BMAL1: variants seen among roughly 807,000 people sequenced by gnomAD.
BMAL1 encodes the protein basic helix-loop-helix ARNT like 1.
the BMAL1 span, among the ~76,000 whole-genome samples, chr11:13,290,362 T>G: frequency 2.0e-5 from 3 of 152,176 alleles, no homozygotes; most frequent in Admixed American, 2.0e-4. Context: ...AAAACAAGTG[T>G]CAGAATCTAG....
the BMAL1 span, among the ~76,000 whole-genome samples, chr11:13,334,383 A>T: frequency 2.6e-5 from 4 of 152,352 alleles, no homozygotes; most frequent in South Asian, 8.3e-4. Flanking sequence ...TGAAACCTTC[A>T]GAGTTTGTTT....
At chr11:13,284,324 G>T in the BMAL1 span, among the ~76,000 whole-genome samples, 1 of 142,126 alleles carries the variant, frequency 7.0e-6, no homozygotes, top group East Asian at 2.1e-4. Context: ...GGGACACATT[G>T]TTTTATGTCA....
At chr11:13,341,770 A>C in the BMAL1 span, among the ~76,000 whole-genome samples, 1 of 152,274 alleles carries the variant, frequency 6.6e-6, no homozygotes, top group African/African-American at 2.4e-5. Flanking sequence ...AAAGACAGGC[A>C]AGAAAACAAT....
the BMAL1 span, among the ~76,000 whole-genome samples, chr11:13,359,006 G>T: frequency 2.6e-5 from 4 of 152,208 alleles, no homozygotes; most frequent in South Asian, 6.2e-4. Flanking sequence ...AATTCATCAT[G>T]GTTCCTTTGA....
the BMAL1 span, chr11:13,386,796 T>C: frequency 6.3e-7 from 1 of 1,598,686 alleles, no homozygotes; most frequent in Non-Finnish European, 8.6e-7. Context: ...AGTATCAAAG[T>C]GCATTACTGG....
chr11:13,326,668 C>T, the BMAL1 span, among the ~76,000 whole-genome samples: 8 of 151,780 alleles, frequency 5.3e-5, no homozygotes, highest in Admixed American at 5.2e-4. Flanking sequence ...TAACCTTTTT[C>T]ACATTTAGAA....
the BMAL1 span, among the ~76,000 whole-genome samples, chr11:13,377,858 G>GCT: frequency 6.6e-6 from 1 of 152,230 alleles, no homozygotes; most frequent in East Asian, 1.9e-4. Context: ...TCTCTGCCAA[G>GCT]CTAATTCATA....
At chr11:13,335,812 C>A in the BMAL1 span, among the ~76,000 whole-genome samples, 9 of 152,182 alleles carry the variant, frequency 5.9e-5, no homozygotes, top group Non-Finnish European at 1.2e-4. Context: ...CCAATACTTA[C>A]ATATTGATTT....
chr11:13,303,719 G>C, the BMAL1 span, among the ~76,000 whole-genome samples: 1 of 152,152 alleles, frequency 6.6e-6, no homozygotes, highest in Non-Finnish European at 1.5e-5. Context: ...GAAGAAGAGA[G>C]GGTAGTTTGT....
chr11:13,297,922 T>TACTTTCTTTAC, the BMAL1 span, among the ~76,000 whole-genome samples: 1 of 152,196 alleles, frequency 6.6e-6, no homozygotes. Context: ...TTCATCCCGC[T>TACTTTCTTTAC]ACTGTGCATT....
chr11:13,363,127 C>CATATATATAT, the BMAL1 span, among the ~76,000 whole-genome samples: 66 of 109,904 alleles, frequency 6.0e-4, no homozygotes, highest in East Asian at 9.6e-4. Flanking sequence ...GTCTTTATTT[C>CATATATATAT]ATATATATAT....
At chr11:13,300,469 A>G in the BMAL1 span, among the ~76,000 whole-genome samples, 3 of 152,232 alleles carry the variant, frequency 2.0e-5, no homozygotes, top group Admixed American at 2.0e-4. Context: ...GAAGCAGGGA[A>G]ACAGTAACAT....
the BMAL1 span, among the ~76,000 whole-genome samples, chr11:13,331,746 C>T: frequency 6.6e-6 from 1 of 152,198 alleles, no homozygotes; most frequent in Non-Finnish European, 1.5e-5. Context: ...TGTGGTGAAC[C>T]TCTATCTCTT....
At chr11:13,323,685 T>C in the BMAL1 span, among the ~76,000 whole-genome samples, 150,326 of 152,294 alleles carry the variant, frequency 0.99, 74,238 homozygotes, top group Middle Eastern at 1. Context: ...GGTATCATCT[T>C]GGCTCACTGC....
the BMAL1 span, among the ~76,000 whole-genome samples, chr11:13,371,257 TTC>T: frequency 6.6e-6 from 1 of 152,040 alleles, no homozygotes; most frequent in Non-Finnish European, 1.5e-5. Flanking sequence ...ACTATCTTTT[TTC>T]TCTCTCTCTC....
chr11:13,381,605 A>G, the BMAL1 span, among the ~76,000 whole-genome samples: 1 of 152,200 alleles, frequency 6.6e-6, no homozygotes, highest in Admixed American at 6.5e-5. Flanking sequence ...AGGAATTTTC[A>G]AGGGAGAAAA....
At chr11:13,330,671 G>T in the BMAL1 span, among the ~76,000 whole-genome samples, 1 of 152,102 alleles carries the variant, frequency 6.6e-6, no homozygotes, top group Non-Finnish European at 1.5e-5. Context: ...GAGATGGGAG[G>T]GATAAATATA....
the BMAL1 span, among the ~76,000 whole-genome samples, chr11:13,327,817 T>C: frequency 1.3e-5 from 2 of 151,446 alleles, no homozygotes; most frequent in South Asian, 4.2e-4. Context: ...CTGAAGAAAT[T>C]TATAGACTCT....
chr11:13,343,920 C>T, the BMAL1 span, among the ~76,000 whole-genome samples: 1 of 152,138 alleles, frequency 6.6e-6, no homozygotes, highest in African/African-American at 2.4e-5. Context: ...TGATCAAGCC[C>T]CATAGCTCCA....
Sources: gnomAD v4.1 joint callset for allele counts (sites outside exome capture counted in the v4.1 genomes callset) on GRCh38, gnomAD v4.1.1 for gene constraint, MANE v1.5 for transcripts, NCBI Gene and HGNC (gene_info 2026-07-23, HGNC 2026-07-21) for gene names.